DGKH: variants seen among roughly 807,000 people sequenced by gnomAD.
DGKH encodes the protein diacylglycerol kinase eta, also known as DAG kinase eta.
In DGKH, 90 loss-of-function variants were observed where a neutral mutation model predicts 159.3. The ratio of observed to expected loss-of-function variants is 0.57; its 90% confidence interval spans 0.48 to 0.67. DGKH has a LOEUF of 0.67. Among genes scored for constraint, DGKH ranks in the 30% least tolerant of loss-of-function variants. The probability of loss-of-function intolerance (pLI) is 0.00; values close to 1 mark genes in which losing one functional copy is unlikely to be tolerated. For synonymous variants in DGKH, 536 were observed against 553.8 expected, an observed-to-expected ratio of 0.97 and a Z score of 0.45; for missense variants, 1,181 against 1,506.1, an observed-to-expected ratio of 0.78 and a Z score of 3.57.
In DGKH at chr13:42,099,412, C is replaced by T. The variant is rs1002416665; in HGVS notation, c.193-28051C>T. On this transcript the variant is annotated intron_variant, in intron 1 of 29. Coordinates refer to ENST00000337343, the MANE Select transcript of DGKH (RefSeq NM_178009.5). ...GTGTGCAGTGGACACAGAAAATTTC[C>T]GGAAAAATGTGGGGTGTGCTAGGAA... Among the ~76,000 whole-genome samples the T allele has an allele frequency of 6.6e-5, 10 of 152,112 alleles. No homozygotes were observed. In the East Asian group the frequency reaches 9.7e-4, roughly 15 times the overall value.
intron 1 of DGKH, among the ~76,000 whole-genome samples, chr13:42,088,949 AG>A (rs910270367): frequency 4.6e-5 from 7 of 152,236 alleles, no homozygotes; most frequent in Non-Finnish European, 7.4e-5. Context: ...GTAAATCAAA[AG>A]GAAAAACTAG....
chr13:42,155,371 T>G lies in DGKH; in HGVS notation c.465T>G (p.Ser155=). Reference sequence around the variant, plus strand: ...AGGATTGGATCAGCTCACTGAAGTCTGTACAGACCAGAGAACCCTACGAGG... The same window carrying G: ...AGGATTGGATCAGCTCACTGAAGTCGGTACAGACCAGAGAACCCTACGAGG... ...EMEDWISSLK[S]VQTREPYEVA... The change falls in exon 4 of 30, where the codon TCT becomes TCG. Residue 155 remains serine, a synonymous_variant. Transcript: ENST00000337343. The G allele has an allele frequency of 6.2e-7, 1 of 1,611,644 alleles. No individual in the cohort carries two copies. Among genetic ancestry groups the G allele is most frequent in the Non-Finnish European group, 8.5e-7 (1 of 1,179,442 alleles).
chr13:42,195,561 A>T (rs904842157), intron 17 of DGKH, among the ~76,000 whole-genome samples: 1 of 152,238 alleles, frequency 6.6e-6, no homozygotes, highest in Non-Finnish European at 1.5e-5. Flanking sequence ...ATGAGTCGGT[A>T]GTTCTGGAGT....
At chr13:42,127,721 A>C (rs1955199057) in intron 2 of DGKH, 148 bp downstream of exon 2, 5 of 624,978 alleles carry the variant, frequency 8.0e-6, no homozygotes, top group Non-Finnish European at 1.1e-5. Flanking sequence ...CGGTGACCCC[A>C]TCCCAAGCGG....
chr13:42,151,620 G>A, intron 3 of DGKH, among the ~76,000 whole-genome samples: 1 of 124,862 alleles, frequency 8.0e-6, no homozygotes. Context: ...CACACCCCAT[G>A]GAAAACTACT....
chr13:42,167,132 A>T (rs1236535695), intron 9 of DGKH, among the ~76,000 whole-genome samples: 1 of 152,234 alleles, frequency 6.6e-6, no homozygotes, highest in African/African-American at 2.4e-5. Context: ...GAAATACTTT[A>T]TTGATGATTC....
rs2138002773 is a variant in DGKH at position 42,165,414 on chromosome 13, A to G, written c.939A>G (p.Leu313=). The change falls in exon 8 of 30, where the codon CTA becomes CTG. Residue 313 remains leucine (L), a synonymous_variant. Coordinates refer to ENST00000337343, the MANE Select transcript of DGKH (RefSeq NM_178009.5). ...CKVSIIPPIA[L]NSTDSDGFCR... ...TATCTATCATACCTCCAATTGCACT[A>G]AACAGCACCGATTCCGATGGTATGT... 6 of 1,576,528 alleles carry G rather than the reference A, an allele frequency of 3.8e-6. No individual in the cohort carries two copies. In the South Asian group the frequency reaches 7.1e-5, roughly 19 times the overall value.
Position 42,121,098 on chromosome 13 carries a change from GCACA to G in DGKH, c.193-6353_193-6350del, listed in dbSNP as rs763927642. On this transcript the variant is annotated intron_variant, in intron 1 of 29. Coordinates refer to ENST00000337343, the MANE Select transcript of DGKH (RefSeq NM_178009.5). ...ACACACACACACACACACAACATGC[GCACA>G]CACACACACACGCACACAAGACATT... Among the ~76,000 whole-genome samples the G allele has an allele frequency of 7.1e-5, 6 of 84,378 alleles. No individual in the cohort carries two copies. In the East Asian group the frequency reaches 1.0e-3, roughly 15 times the overall value. The allele number at this position is 84,378 out of a possible 152,430, so 55.4% of individuals were successfully genotyped here.
chr13:42,218,306 A>T (rs1294177203), intron 26 of DGKH, among the ~76,000 whole-genome samples: 2 of 152,138 alleles, frequency 1.3e-5, no homozygotes, highest in African/African-American at 2.4e-5. Context: ...ATCCAAACCC[A>T]GTTTCAGATG....
chr13:42,048,759 C>T lies in DGKH; in HGVS notation c.-15C>T. 3 of 1,271,636 alleles carry T rather than the reference C, an allele frequency of 2.4e-6. No homozygotes were observed. Among genetic ancestry groups the T allele is most frequent in the East Asian group, 3.2e-5 (1 of 31,412 alleles). 78.8% of individuals were successfully genotyped at this position (1,271,636 alleles called of 1,614,324 possible). On this transcript the variant is annotated 5_prime_UTR_variant, in exon 1 of 30. Coordinates refer to ENST00000337343, the MANE Select transcript of DGKH (RefSeq NM_178009.5). This position sits in a 1 kb window ranked among gnomAD's most constrained non-coding sequence, Gnocchi z 6.7. ...CCCGCCGGGCGGTGCTGTGTCCCCG[C>T]AGGAGTCGGAGAGGATGGCAGGGGC...
At chr13:42,156,120 C>T (rs1373432828) in intron 5 of DGKH, among the ~76,000 whole-genome samples, 2 of 152,090 alleles carry the variant, frequency 1.3e-5, no homozygotes, top group Admixed American at 6.5e-5. Context: ...GGCAGAATTT[C>T]TGATTGTTAA....
chr13:42,049,255 G>A (rs1225259096), intron 1 of DGKH, among the ~76,000 whole-genome samples: 1 of 152,072 alleles, frequency 6.6e-6, no homozygotes, highest in South Asian at 2.1e-4. Context: ...GGCTGCGCGG[G>A]AGGCTGCGAG....
intron 1 of DGKH, among the ~76,000 whole-genome samples, chr13:42,108,996 C>T (rs527400163): frequency 8.5e-5 from 13 of 152,084 alleles, no homozygotes; most frequent in South Asian, 8.3e-4. Flanking sequence ...GATATGCCAA[C>T]GGGAAGGAAT....
rs1958261677 is a variant in DGKH at position 42,230,519 on chromosome 13, C to A, written c.*1331C>A. The A allele has an allele frequency of 6.6e-6, 1 of 151,978 alleles. No homozygotes were observed. The highest frequency in any genetic ancestry group is 2.1e-4 in the South Asian group (1 of 4,830). The allele number at this position is 151,978 out of a possible 1,614,324, so 9.4% of individuals were successfully genotyped here. A position where few individuals can be genotyped will look rare whatever the true frequency, so the allele number is the denominator to read the frequency against. ...AGTCACAAAAATATCCTTAAATAAG[C>A]TTTCTTTAGCCATTATATACCAAAA... On this transcript the variant is annotated 3_prime_UTR_variant, in exon 30 of 30. Transcript: ENST00000337343.
Position 42,239,681 on chromosome 13 carries a change from T to C in DGKH, c.*10493T>C, listed in dbSNP as rs1958481938. ...TTTGGTTTTTTTCCAGCAACTAGTT[T>C]TTCTACTTTCACTCTTTCCCACCAG... is the stretch of plus-strand genomic sequence containing the variant. On this transcript the variant is annotated 3_prime_UTR_variant, in exon 30 of 30. Coordinates refer to ENST00000337343, the MANE Select transcript of DGKH (RefSeq NM_178009.5). 6.6e-6 allele frequency: 1 copy of C among 152,440 alleles called. No homozygotes were observed. Among genetic ancestry groups the C allele is most frequent in the African/African-American group, 2.4e-5 (1 of 41,380 alleles). 9.4% of individuals were successfully genotyped at this position (152,440 alleles called of 1,614,324 possible).
chr13:42,072,284 C>A (rs1325908023), intron 1 of DGKH, among the ~76,000 whole-genome samples: 2 of 152,124 alleles, frequency 1.3e-5, no homozygotes, highest in African/African-American at 4.8e-5. Flanking sequence ...GTCCTATTTA[C>A]CCTCTAAGTG....
chr13:42,176,808 G>A (rs889634052), intron 12 of DGKH, among the ~76,000 whole-genome samples: 4 of 152,112 alleles, frequency 2.6e-5, no homozygotes, highest in Admixed American at 6.6e-5. Context: ...AAAATTTTGC[G>A]CTGTGTGAAA....
At chr13:42,244,731 C>G (rs1210466918), downstream of DGKH, among the ~76,000 whole-genome samples, 3 of 151,234 alleles carry the variant, frequency 2.0e-5, no homozygotes, top group East Asian at 5.8e-4. Context: ...GGGGAAACCC[C>G]GTCTCTACTA....
chr13:42,092,121 A>G (rs1954430156), intron 1 of DGKH, among the ~76,000 whole-genome samples: 1 of 152,226 alleles, frequency 6.6e-6, no homozygotes, highest in African/African-American at 2.4e-5. Context: ...GGGAACCCTT[A>G]CACAATATTG....
Sources: allele counts gnomAD v4.1 joint callset (sites outside exome capture counted in the v4.1 genomes callset), GRCh38; gene constraint gnomAD v4.1.1; non-coding constraint Gnocchi (gnomAD v3.1); transcripts MANE v1.5; gene names NCBI Gene and HGNC (gene_info 2026-07-23, HGNC 2026-07-21).